The following PVT1 variants were observed in gnomAD, a reference collection of about 807,000 sequenced individuals.
The protein encoded by PVT1 is Pvt1 oncogene.
intron 2 of PVT1, among the ~76,000 whole-genome samples, chr8:127,886,239 T>C (rs1815521220): frequency 6.6e-6 from 1 of 152,234 alleles, no homozygotes; most frequent in African/African-American, 2.4e-5. Flanking sequence ...CTGGCTCTTT[T>C]CATGACTTTT....
At chr8:127,798,518 A>G (rs1048001173) in intron 2 of PVT1, among the ~76,000 whole-genome samples, 47 of 151,994 alleles carry the variant, frequency 3.1e-4, no homozygotes, top group Middle Eastern at 3.4e-3. Flanking sequence ...GCCATGCTGG[A>G]AAGTTTGGGC....
chr8:128,075,947 A>G (rs1814083677), intron 5 of PVT1, among the ~76,000 whole-genome samples: 1 of 152,244 alleles, frequency 6.6e-6, no homozygotes, highest in African/African-American at 2.4e-5. Flanking sequence ...ACATTTTATC[A>G]AAATCAGCCA....
chr8:127,962,827 CCT>C (rs1816660721), intron 3 of PVT1, among the ~76,000 whole-genome samples: 1 of 151,898 alleles, frequency 6.6e-6, no homozygotes, highest in African/African-American at 2.4e-5. Context: ...AAACACCTGA[CCT>C]CAGGTGATCG....
chr8:128,028,734 G>C lies in PVT1; in HGVS notation n.912+39443G>C, dbSNP rs891312108. On this transcript the variant is annotated intron_variant and non_coding_transcript_variant, in intron 4 of 10. Coordinates refer to ENST00000651587, the Ensembl canonical transcript of PVT1. The stretch of plus-strand genomic sequence containing the variant: ...AAGTCTTCAACAGGAGTTGTGGGGA[G>C]CACTGTTAATATGTGGGGGATCATC... Among the ~76,000 whole-genome samples the C allele has an allele frequency of 3.3e-5, 5 of 152,234 alleles. No homozygotes were observed. In the South Asian group the frequency reaches 6.2e-4, roughly 19 times the overall value.
At position 127,979,246 on chromosome 8, in the gene PVT1, A is replaced by G. The variant is rs555861974; in HGVS notation, n.783-9916A>G. On this transcript the variant is annotated intron_variant and non_coding_transcript_variant, in intron 3 of 10. Transcript: ENST00000651587. ...GTTGAAGAAAATGGGTCTCTAACTC[A>G]ATGAGCTGGGATTCATCCACGCATT... is the stretch of plus-strand genomic sequence containing the variant. Among the ~76,000 whole-genome samples the G allele has an allele frequency of 7.9e-5, 12 of 152,368 alleles. No homozygotes were observed. The East Asian group carries it at 2.3e-3, about 29-fold the overall frequency.
At chr8:127,842,759 T>TG (rs1814987264) in intron 2 of PVT1, among the ~76,000 whole-genome samples, 1 of 152,152 alleles carries the variant, frequency 6.6e-6, no homozygotes, top group Non-Finnish European at 1.5e-5. Context: ...TTTTCATCCC[T>TG]GAGCCAATTA....
intron 3 of PVT1, among the ~76,000 whole-genome samples, chr8:127,910,152 G>A (rs906385113): frequency 1.3e-5 from 2 of 152,140 alleles, no homozygotes; most frequent in East Asian, 1.9e-4. Flanking sequence ...AGCAATTAGC[G>A]GGGTGCCTAA....
chr8:127,954,249 T>G (rs931646995), intron 3 of PVT1, among the ~76,000 whole-genome samples: 1 of 151,938 alleles, frequency 6.6e-6, no homozygotes, highest in African/African-American at 2.4e-5. Context: ...GAAATTGTCT[T>G]GTTGTGGTTG....
chr8:127,923,844 G>A (rs542004633), intron 3 of PVT1, among the ~76,000 whole-genome samples: 13 of 152,298 alleles, frequency 8.5e-5, no homozygotes, highest in African/African-American at 2.6e-4. Flanking sequence ...CTGGTGTGCC[G>A]CGCTTCTCCC....
intron 3 of PVT1, among the ~76,000 whole-genome samples, chr8:127,949,383 G>GTGTGTGTGTGTGTGTGTT (rs1816467197): frequency 3.8e-5 from 5 of 131,380 alleles, no homozygotes; most frequent in African/African-American, 1.4e-4. Flanking sequence ...CAGGAGCTGT[G>GTGTGTGTGTGTGTGTGTT]TGTGTGTGTG....
intron 4 of PVT1, among the ~76,000 whole-genome samples, chr8:128,043,878 G>A (rs975068408): frequency 6.8e-6 from 1 of 146,964 alleles, no homozygotes; most frequent in Non-Finnish European, 1.5e-5. Flanking sequence ...CTGTCATCCA[G>A]GCTGGAGTGC....
chr8:128,023,362 T>C (rs944060182), intron 4 of PVT1, among the ~76,000 whole-genome samples: 2 of 152,154 alleles, frequency 1.3e-5, no homozygotes, highest in African/African-American at 4.8e-5. Flanking sequence ...TAGACCTCCA[T>C]GTGAGCCCAG....
At chr8:127,955,566 C>T (rs1178255845) in intron 3 of PVT1, among the ~76,000 whole-genome samples, 1 of 152,126 alleles carries the variant, frequency 6.6e-6, no homozygotes, top group Non-Finnish European at 1.5e-5. Flanking sequence ...GCCCAAGAGT[C>T]TGTAATCCCC....
intron 2 of PVT1, among the ~76,000 whole-genome samples, chr8:127,865,341 A>G (rs1013119460): frequency 1.3e-5 from 2 of 152,274 alleles, no homozygotes; most frequent in Non-Finnish European, 2.9e-5. Flanking sequence ...GCTTCCCCCA[A>G]AGAGGTTCAC....
At chr8:127,807,434 A>G (rs1814540448) in intron 2 of PVT1, among the ~76,000 whole-genome samples, 1 of 152,178 alleles carries the variant, frequency 6.6e-6, no homozygotes, top group South Asian at 2.1e-4. Context: ...TCCAGGCTCA[A>G]GTGATTCTCC....
chr8:127,956,126 T>C (rs1487938886), intron 3 of PVT1, among the ~76,000 whole-genome samples: 1 of 152,212 alleles, frequency 6.6e-6, no homozygotes, highest in East Asian at 1.9e-4. Context: ...CAATGGAGTG[T>C]GAGAAGGGCA....
intron 3 of PVT1, among the ~76,000 whole-genome samples, chr8:127,902,590 C>T (rs986258888): frequency 6.6e-6 from 1 of 152,010 alleles, no homozygotes; most frequent in Non-Finnish European, 1.5e-5. Context: ...CCCTCTTTTC[C>T]TCCCCTTTCT....
rs565631950 is a variant in PVT1 at position 127,925,744 on chromosome 8, C to T, written n.782+34746C>T. The stretch of plus-strand genomic sequence containing the variant: ...GCAACCTCTGCCTCCTGGGTTCAAG[C>T]GATTCTCCTGCCTCAGCCTCCCAAG... On this transcript the variant is annotated intron_variant and non_coding_transcript_variant, in intron 3 of 10. Transcript: ENST00000651587. Among the ~76,000 whole-genome samples the T allele has an allele frequency of 3.9e-5, 6 of 152,076 alleles. No individual in the cohort carries two copies. The South Asian group carries it at 8.3e-4, about 21-fold the overall frequency.
In PVT1 at chr8:127,970,296, T is replaced by TTTTTTG. The variant is rs1563653357; in HGVS notation, n.783-18861_783-18860insGTTTTT. Among the ~76,000 whole-genome samples the TTTTTTG allele has an allele frequency of 5.0e-5, 6 of 119,096 alleles. 1 individual carries two copies. The highest frequency in any genetic ancestry group is 1.9e-4 in the African/African-American group (6 of 31,802). The allele number at this position is 119,096 out of a possible 152,430, so 78.1% of individuals were successfully genotyped here. On this transcript the variant is annotated intron_variant and non_coding_transcript_variant, in intron 3 of 10. Transcript: ENST00000651587. ...CTCCATCTGCCATGATTTGTTTTTT[T>TTTTTTG]TTTTTTTTTTTTTTTTTTTGAGATA...
Sources: allele counts gnomAD v4.1 joint callset (sites outside exome capture counted in the v4.1 genomes callset), GRCh38; gene constraint gnomAD v4.1.1; transcripts MANE v1.5; gene names NCBI Gene and HGNC (gene_info 2026-07-23, HGNC 2026-07-21).